UNC79: variants seen among roughly 807,000 people sequenced by gnomAD.
UNC79 encodes protein unc-79 homolog.
UNC79 carries 37 observed loss-of-function variants against 283.1 expected under a neutral mutation model. That is an observed-to-expected ratio of 0.13 (90% confidence interval 0.10 to 0.17). UNC79 has a LOEUF of 0.17. Among genes scored for constraint, UNC79 ranks in the 10% least tolerant of loss-of-function variants. The pLI, the probability that UNC79 is intolerant of heterozygous loss-of-function variation, is 1.00. For missense variants in UNC79, 2,272 were observed against 3,211.1 expected, an observed-to-expected ratio of 0.71 and a Z score of 7.07; for synonymous variants, 1,107 against 1,200.2, an observed-to-expected ratio of 0.92 and a Z score of 1.61.
At chr14:93,451,479 T>C (rs2056639797) in intron 1 of UNC79, among the ~76,000 whole-genome samples, 1 of 152,244 alleles carries the variant, frequency 6.6e-6, no homozygotes. Flanking sequence ...ACACTTCATA[T>C]AGCCAGCAAA....
intron 1 of UNC79, among the ~76,000 whole-genome samples, chr14:93,407,326 C>A (rs746193015): frequency 9.2e-5 from 14 of 152,152 alleles, no homozygotes; most frequent in Non-Finnish European, 1.6e-4. Flanking sequence ...TTACAGGGAG[C>A]AGAAGCCTCT....
intron 14 of UNC79, among the ~76,000 whole-genome samples, chr14:93,569,561 C>T (rs1169075329): frequency 6.6e-6 from 1 of 152,162 alleles, no homozygotes; most frequent in Non-Finnish European, 1.5e-5. Flanking sequence ...AGTAACTGGT[C>T]TTAGAGGATT....
intron 1 of UNC79, among the ~76,000 whole-genome samples, chr14:93,404,493 A>AAAAAAAAAAAATATATATAT: frequency 8.1e-5 from 5 of 61,510 alleles, no homozygotes; most frequent in East Asian, 5.5e-4. Flanking sequence ...TTCTAAAAAA[A>AAAAAAAAAAAATATATATAT]ATATATATAT....
intron 47 of UNC79, among the ~76,000 whole-genome samples, chr14:93,699,169 C>A (rs1433898694): frequency 6.6e-6 from 1 of 152,098 alleles, no homozygotes; most frequent in African/African-American, 2.4e-5. Context: ...GTTTTTAGAT[C>A]ATTTTCATTT....
At chr14:93,480,683 C>T (rs973321417) in intron 4 of UNC79, among the ~76,000 whole-genome samples, 1 of 152,182 alleles carries the variant, frequency 6.6e-6, no homozygotes, top group Non-Finnish European at 1.5e-5. Context: ...GATATAGTTT[C>T]AGATTAATCA....
At chr14:93,529,869 A>G (rs1347690829) in intron 10 of UNC79, among the ~76,000 whole-genome samples, 1 of 152,202 alleles carries the variant, frequency 6.6e-6, no homozygotes, top group Non-Finnish European at 1.5e-5. Context: ...AGTTTGTCAG[A>G]GTTGTCAAAG....
intron 5 of UNC79, 60 bp from the exon 6 acceptor site, chr14:93,496,351 C>A: frequency 1.8e-6 from 2 of 1,125,866 alleles, no homozygotes; most frequent in East Asian, 2.7e-5. Flanking sequence ...ATATGTATAT[C>A]AAAGGATGTT....
intron 35 of UNC79, 31 bp downstream of exon 38, chr14:93,646,677 T>C (rs756495640): frequency 1.2e-6 from 2 of 1,612,248 alleles, no homozygotes; most frequent in East Asian, 4.5e-5. Flanking sequence ...CAGATCTCAC[T>C]TTCTTTTCTC....
intron 10 of UNC79, among the ~76,000 whole-genome samples, chr14:93,532,190 A>G (rs2060851511): frequency 6.6e-6 from 1 of 151,878 alleles, no homozygotes. Flanking sequence ...TAGACCTGGC[A>G]TGGTGGCTTA....
In UNC79 at chr14:93,671,538, C is replaced by T. The variant is rs138135183; in HGVS notation, c.6637-1813C>T. Among the ~76,000 whole-genome samples the T allele has an allele frequency of 3.4e-3, 511 of 152,056 alleles. 4 individuals are homozygous for T. The highest frequency in any genetic ancestry group is 0.011 in the African/African-American group (475 of 41,468). On this transcript the variant is annotated intron_variant, in intron 40 of 48. Transcript: ENST00000555664. ...CTGTAATCCCAGCACTTTCGGAGGC[C>T]GAGGCAGGTGGATCACCTGAGATTG...
chr14:93,414,502 C>T (rs568707819), intron 1 of UNC79, among the ~76,000 whole-genome samples: 2,057 of 152,208 alleles, frequency 0.014, 50 homozygotes, highest in African/African-American at 0.047. Context: ...ATTGACTTGG[C>T]AATGCGGGCT....
chr14:93,461,362 T>G (rs2056956626), intron 1 of UNC79, among the ~76,000 whole-genome samples: 1 of 152,248 alleles, frequency 6.6e-6, no homozygotes, highest in Non-Finnish European at 1.5e-5. Flanking sequence ...TGTTAAGTGT[T>G]TTTTAGTCTA....
At chr14:93,668,590 A>G (rs1291340888) in intron 40 of UNC79, among the ~76,000 whole-genome samples, 1 of 151,964 alleles carries the variant, frequency 6.6e-6, no homozygotes, top group Non-Finnish European at 1.5e-5. Context: ...CATGCATGTG[A>G]TCCTAGCACT....
chr14:93,642,634 C>A (rs956303126), intron 33 of UNC79, among the ~76,000 whole-genome samples: 3 of 152,228 alleles, frequency 2.0e-5, no homozygotes, highest in African/African-American at 4.8e-5. Context: ...TTTGGGATTA[C>A]CCCGCTCCCC....
intron 1 of UNC79, among the ~76,000 whole-genome samples, chr14:93,421,387 A>G (rs981768240): frequency 6.6e-6 from 1 of 151,658 alleles, no homozygotes; most frequent in African/African-American, 2.4e-5. Flanking sequence ...GACACATGCA[A>G]CCTACTAAAA....
intron 26 of UNC79, among the ~76,000 whole-genome samples, chr14:93,606,691 T>G (rs1391732748): frequency 2.0e-5 from 3 of 152,214 alleles, no homozygotes; most frequent in Non-Finnish European, 4.4e-5. Context: ...CTGTTTAGGT[T>G]GAACTTTTTG....
intron 31 of UNC79, 120 bp from the exon 34 acceptor site, chr14:93,634,401 A>T (rs1005592475): frequency 1.3e-6 from 1 of 755,718 alleles, no homozygotes; most frequent in Non-Finnish European, 2.2e-6. Context: ...GAAGCATACA[A>T]TTTACCAAAA....
intron 14 of UNC79, among the ~76,000 whole-genome samples, chr14:93,553,343 T>C (rs890989730): frequency 6.6e-6 from 1 of 152,168 alleles, no homozygotes; most frequent in Non-Finnish European, 1.5e-5. Flanking sequence ...CAATCTCCTA[T>C]TTGTTTAGTC....
intron 1 of UNC79, among the ~76,000 whole-genome samples, chr14:93,442,027 G>T (rs182706485): frequency 1.3e-5 from 2 of 151,984 alleles, no homozygotes; most frequent in Non-Finnish European, 2.9e-5. Context: ...CTTATATTTC[G>T]CCAACTTGAG....
Sources: gnomAD v4.1 joint callset for allele counts (sites outside exome capture counted in the v4.1 genomes callset) on GRCh38, gnomAD v4.1.1 for gene constraint, MANE v1.5 for transcripts, NCBI Gene and HGNC (gene_info 2026-07-23, HGNC 2026-07-21) for gene names.